DENND5B: variants seen among roughly 807,000 people sequenced by gnomAD.
DENND5B encodes the protein DENN domain-containing protein 5B.
Under a neutral mutation model 140.6 loss-of-function variants are expected in DENND5B, and 34 were observed. The observed-to-expected ratio is 0.24, with a 90% CI of 0.18 to 0.32. The LOEUF (loss-of-function observed/expected upper bound fraction) is 0.32, where lower values mean the gene tolerates loss of function less well. Ranked by LOEUF, DENND5B falls within the 10% of genes least tolerant of loss-of-function variation. The pLI is 1.00. For synonymous variants in DENND5B, 551 were observed against 562.1 expected, an observed-to-expected ratio of 0.98 and a Z score of 0.28; for missense variants, 1,142 against 1,560.2, an observed-to-expected ratio of 0.73 and a Z score of 4.52.
rs1383988483 is a variant in DENND5B, at chr12:31,387,790, C to T, written c.3642-4G>A. Reference sequence around the variant, plus strand: ...CCACTGTGGGAGCAGGCGATCCCTACAGACCCAAACAGAAACAATTCCTGA... The same window carrying T: ...CCACTGTGGGAGCAGGCGATCCCTATAGACCCAAACAGAAACAATTCCTGA... On this transcript the variant is annotated splice_polypyrimidine_tract_variant and splice_region_variant and intron_variant, in intron 20 of 20. Coordinates refer to ENST00000389082, the MANE Select transcript of DENND5B (RefSeq NM_144973.4). The T allele has an allele frequency of 1.2e-6, 2 of 1,609,904 alleles. No individual in the cohort carries two copies. Among genetic ancestry groups the T allele is most frequent in the Admixed American group, 1.7e-5 (1 of 59,810 alleles).
chr12:31,523,729 A>G (rs1447482385), intron 1 of DENND5B, among the ~76,000 whole-genome samples: 2 of 152,254 alleles, frequency 1.3e-5, no homozygotes, highest in South Asian at 2.1e-4. Flanking sequence ...AAAAAAGAGT[A>G]TATGACAAGA....
At chr12:31,470,704 G>A (rs907486563) in intron 3 of DENND5B, among the ~76,000 whole-genome samples, 3 of 152,204 alleles carry the variant, frequency 2.0e-5, no homozygotes, top group African/African-American at 7.2e-5. Flanking sequence ...CATTCAGTTA[G>A]GAATGAATTG....
intron 2 of DENND5B, among the ~76,000 whole-genome samples, chr12:31,490,217 C>G (rs555560887): frequency 1.6e-4 from 23 of 148,284 alleles, no homozygotes; most frequent in Non-Finnish European, 2.7e-4. Flanking sequence ...AATATTCTAG[C>G]TGCAATGTTA....
intron 14 of DENND5B, among the ~76,000 whole-genome samples, chr12:31,404,446 G>T (rs745606989): frequency 6.6e-6 from 1 of 151,998 alleles, no homozygotes; most frequent in African/African-American, 2.4e-5. Context: ...ACAGGTGCAC[G>T]CTACCACACC....
intron 1 of DENND5B, chr12:31,500,412 GCTCACAACTGTAAT>G (rs1225563565): frequency 2.2e-6 from 1 of 453,148 alleles, no homozygotes; most frequent in East Asian, 7.0e-5. Context: ...GGGCATGTTG[GCTCACAACTGTAAT>G]CTCAGCACTT....
At chr12:31,548,143 G>GT (rs1370540339) in intron 1 of DENND5B, among the ~76,000 whole-genome samples, 2 of 152,224 alleles carry the variant, frequency 1.3e-5, no homozygotes, top group East Asian at 3.9e-4. Context: ...TGTAATCCCA[G>GT]TGCTTTGGGA....
At chr12:31,430,183 C>A (rs140474049) in intron 8 of DENND5B, among the ~76,000 whole-genome samples, 1,501 of 143,252 alleles carry the variant, frequency 0.01, 16 homozygotes, top group Middle Eastern at 0.032. Context: ...CCACCACACC[C>A]GGCTAGTTTT....
chr12:31,476,228 A>C (rs1472822046), intron 3 of DENND5B, among the ~76,000 whole-genome samples: 2 of 151,664 alleles, frequency 1.3e-5, no homozygotes, highest in East Asian at 3.8e-4. Context: ...ACAATATAAA[A>C]GAACATTTAT....
At chr12:31,402,980 T>C (rs1941893108) in intron 14 of DENND5B, among the ~76,000 whole-genome samples, 1 of 152,228 alleles carries the variant, frequency 6.6e-6, no homozygotes, top group South Asian at 2.1e-4. Context: ...ATATTGTGTT[T>C]TCATTGCTTA....
intron 7 of DENND5B, among the ~76,000 whole-genome samples, chr12:31,437,883 C>G (rs750682238): frequency 1.2e-4 from 19 of 152,198 alleles, no homozygotes; most frequent in Non-Finnish European, 1.5e-5. Flanking sequence ...CTCCTGCTCC[C>G]CCAACCTTGC....
At chr12:31,561,673 G>A (rs969838553) in intron 1 of DENND5B, among the ~76,000 whole-genome samples, 3 of 152,068 alleles carry the variant, frequency 2.0e-5, no homozygotes, top group Non-Finnish European at 4.4e-5. Flanking sequence ...GTGACAAATA[G>A]AAAACATTGC....
chr12:31,398,236 C>T lies in DENND5B; in HGVS notation c.3195G>A (p.Gln1065=). Residue 1065 remains glutamine (Q), a synonymous_variant, in exon 17 of 21, where the codon CAG becomes CAA. Transcript: ENST00000389082. The part of the protein sequence containing the change: ...DLVKQCRTPP[Q]QKSPTTARRL... ...TCCTAGCCGTGGTGGGTGACTTCTG[C>T]TGGGGTGGAGTCCGACACTGCTTTA... The T allele has an allele frequency of 6.2e-7, 1 of 1,604,214 alleles. No individual in the cohort carries two copies. Among genetic ancestry groups the T allele is most frequent in the South Asian group, 1.1e-5 (1 of 88,770 alleles).
rs543534455 is a variant in DENND5B, at chr12:31,563,210, G to A, written c.127+27496C>T. 1.1e-4 allele frequency among the ~76,000 whole-genome samples: 17 copies of A among 152,184 alleles called. No individual in the cohort carries two copies. The South Asian group carries it at 2.9e-3, about 26-fold the overall frequency. The stretch of plus-strand genomic sequence containing the variant: ...AAAGAAGAGAAGCCAAAGGAAGACT[G>A]GACTTAAACATGAAAATCCGTATCA... On this transcript the variant is annotated intron_variant, in intron 1 of 20. Transcript: ENST00000389082.
At chr12:31,451,733 G>A (rs1944533724) in intron 5 of DENND5B, 1 of 574,076 alleles carries the variant, frequency 1.7e-6, no homozygotes, top group African/African-American at 1.9e-5. Context: ...TTATTTGCTT[G>A]TAAAATTATT....
At chr12:31,478,280 T>C (rs779434168) in intron 3 of DENND5B, among the ~76,000 whole-genome samples, 8 of 152,060 alleles carry the variant, frequency 5.3e-5, no homozygotes, top group Non-Finnish European at 4.4e-5. Flanking sequence ...GAAGTACAAA[T>C]ATAGTCTACT....
chr12:31,414,542 G>A (rs549997686), intron 12 of DENND5B, among the ~76,000 whole-genome samples: 119 of 150,844 alleles, frequency 7.9e-4, no homozygotes, highest in African/African-American at 2.4e-3. Context: ...AGTTTAGGAC[G>A]GGCACAATGG....
chr12:31,456,374 GGCTTAAA>G (rs1195860849), intron 4 of DENND5B, among the ~76,000 whole-genome samples: 1 of 150,728 alleles, frequency 6.6e-6, no homozygotes, highest in Non-Finnish European at 1.5e-5. Context: ...AGAAAACAAA[GGCTTAAA>G]GCTTAATCAT....
intron 14 of DENND5B, among the ~76,000 whole-genome samples, chr12:31,409,029 G>C (rs1157713835): frequency 6.6e-6 from 1 of 152,216 alleles, no homozygotes; most frequent in Non-Finnish European, 1.5e-5. Flanking sequence ...ACTGACAGAA[G>C]GTATCATCTC....
intron 4 of DENND5B, among the ~76,000 whole-genome samples, chr12:31,453,891 C>A (rs993142440): frequency 6.6e-6 from 1 of 152,078 alleles, no homozygotes; most frequent in Non-Finnish European, 1.5e-5. Flanking sequence ...CCTGTAATTC[C>A]AGCACTTTGG....
Sources: allele counts gnomAD v4.1 joint callset (sites outside exome capture counted in the v4.1 genomes callset), GRCh38; gene constraint gnomAD v4.1.1; transcripts MANE v1.5; gene names NCBI Gene and HGNC (gene_info 2026-07-23, HGNC 2026-07-21).